Variants in ZGRF1 observed in about 807,000 individuals in gnomAD.
ZGRF1 encodes zinc finger GRF-type containing 1, also known as 5'-3' DNA helicase ZGRF1.
Under a neutral mutation model 203.5 loss-of-function variants are expected in ZGRF1, and 196 were observed. The ratio of observed to expected loss-of-function variants is 0.96; its 90% CI spans 0.86 to 1.08. The LOEUF (loss-of-function observed/expected upper bound fraction) is 1.08. Among genes scored for constraint, ZGRF1 ranks in the 50% least tolerant of loss-of-function variants. ZGRF1 has a pLI of 0.00. For missense variants in ZGRF1, 2,326 were observed against 2,416.3 expected (o/e 0.96, Z 0.78); for synonymous variants, 809 against 841.3 (o/e 0.96, Z 0.66).
At chr4:112,543,843 A>C (rs915544885) in intron 24 of ZGRF1, among the ~76,000 whole-genome samples, 3 of 152,184 alleles carry the variant, frequency 2.0e-5, no homozygotes, top group African/African-American at 7.2e-5. Context: ...AATTTAGATA[A>C]CTTTTTATTT....
In ZGRF1 at chr4:112,617,725, G is replaced by GA. The variant is rs1295778050; in HGVS notation, c.2316dup (p.Leu773SerfsTer12). 1 of 1,613,978 alleles carries GA rather than the reference G, an allele frequency of 6.2e-7. No homozygotes were observed. Among genetic ancestry groups the GA allele is most frequent in the African/African-American group, 1.3e-5 (1 of 74,920 alleles). ...TGTGCTTCTGTGTCTTTGGAAATAA[G>GA]ATGCTTTTTTCCCAGTGGGTAAAAC... On this transcript the variant is annotated frameshift_variant, in exon 6 of 28. Coordinates refer to ENST00000505019, the MANE Select transcript of ZGRF1 (RefSeq NM_018392.5). LOFTEE classifies it high-confidence loss of function.
chr4:112,586,313 T>C (rs1010705125), intron 13 of ZGRF1, 132 bp downstream of exon 13: 6 of 624,728 alleles, frequency 9.6e-6, no homozygotes, highest in Admixed American at 3.7e-5. Context: ...TAAAAGTTAC[T>C]GTCAAAAACT....
chr4:112,618,289 C>G lies in ZGRF1; in HGVS notation c.1753G>C (p.Glu585Gln), dbSNP rs1560868660. The G allele has an allele frequency of 6.2e-7, 1 of 1,613,790 alleles. No individual in the cohort carries two copies. The highest frequency in any genetic ancestry group is 1.7e-5 in the Admixed American group (1 of 59,992). The change falls in exon 6 of 28, where the codon GAG becomes CAG. Residue 585 changes from glutamate (E) to glutamine (Q), a missense_variant. Transcript: ENST00000505019. ...RSENTNCEEI[E>Q]GEHLPFLTSV... Reference sequence around the variant, plus strand: ...GTTAAGAATGGCAAATGTTCACCCTCAATCTCTTCACAGTTTGTATTCTCA... The same window carrying G: ...GTTAAGAATGGCAAATGTTCACCCTGAATCTCTTCACAGTTTGTATTCTCA...
At chr4:112,605,762 C>T (rs1750676058) in intron 9 of ZGRF1, 4 of 432,350 alleles carry the variant, frequency 9.3e-6, no homozygotes, top group Non-Finnish European at 1.7e-5. Flanking sequence ...CTAGAGTATC[C>T]TATGTACGGA....
chr4:112,541,477 C>T (rs1024251399), intron 24 of ZGRF1, among the ~76,000 whole-genome samples: 4 of 149,890 alleles, frequency 2.7e-5, no homozygotes, highest in South Asian at 2.1e-4. Context: ...ATATAAAAGA[C>T]GTCAACCTTA....
chr4:112,625,230 A>C (rs1455154204), intron 3 of ZGRF1, among the ~76,000 whole-genome samples: 2 of 152,244 alleles, frequency 1.3e-5, no homozygotes, highest in Non-Finnish European at 2.9e-5. Flanking sequence ...TTGAGGCTAC[A>C]GTGAACTATG....
intron 1 of ZGRF1, 100 bp from the exon 2 acceptor site, chr4:112,633,342 G>A: frequency 1.6e-6 from 1 of 606,614 alleles, no homozygotes; most frequent in South Asian, 2.2e-5. Flanking sequence ...GAATCAAGGA[G>A]TTCCAAGATT....
chr4:112,562,311 A>G, intron 18 of ZGRF1, 60 bp downstream of exon 18: 2 of 865,850 alleles, frequency 2.3e-6, no homozygotes, highest in Admixed American at 2.1e-5. Flanking sequence ...TTGAATTTTC[A>G]TATTTACTTC....
chr4:112,593,511 A>G (rs1031148811), intron 10 of ZGRF1, among the ~76,000 whole-genome samples: 3 of 152,188 alleles, frequency 2.0e-5, no homozygotes, highest in Non-Finnish European at 2.9e-5. Context: ...CGCACAATAA[A>G]AATCAAAGTT....
chr4:112,607,511 T>C (rs753318192), intron 8 of ZGRF1, among the ~76,000 whole-genome samples: 3 of 152,238 alleles, frequency 2.0e-5, no homozygotes, highest in Non-Finnish European at 4.4e-5. Flanking sequence ...TCTTTTGCAA[T>C]ATGTAGTTAA....
chr4:112,610,809 C>A, intron 7 of ZGRF1: 1 of 162,526 alleles, frequency 6.2e-6, no homozygotes, highest in East Asian at 1.9e-4. Context: ...ACAAGATAGC[C>A]ATAGGATGGA....
chr4:112,609,777 G>A (rs939496410), intron 7 of ZGRF1, among the ~76,000 whole-genome samples: 8 of 149,180 alleles, frequency 5.4e-5, no homozygotes, highest in Admixed American at 1.3e-4. Context: ...CAGTCTGGGC[G>A]ACAAGAGCAA....
intron 1 of ZGRF1, among the ~76,000 whole-genome samples, chr4:112,634,413 G>A (rs1454623368): frequency 2.0e-5 from 3 of 152,194 alleles, no homozygotes; most frequent in Non-Finnish European, 4.4e-5. Flanking sequence ...ACTTTGGGAG[G>A]CCGAGACAGG....
Position 112,560,750 on chromosome 4 carries a change from G to A in ZGRF1, c.4943C>T (p.Pro1648Leu). 1 of 1,589,098 alleles carries A rather than the reference G, an allele frequency of 6.3e-7. No homozygotes were observed. Residue 1648 changes from proline to leucine, a missense_variant, in exon 19 of 28, where the codon CCT (proline) becomes CTT (leucine). Coordinates refer to ENST00000505019, the MANE Select transcript of ZGRF1 (RefSeq NM_018392.5). ...EVKELQTHTF[P>L]ITIIHGVFGA... The stretch of plus-strand genomic sequence containing the variant: ...CTTCTTACCATGTATGATTGTGATA[G>A]GGAAGGTATGAGTTTGCAGTTCCTT...
intron 10 of ZGRF1, among the ~76,000 whole-genome samples, chr4:112,601,400 G>A (rs1270576889): frequency 1.3e-5 from 2 of 151,820 alleles, no homozygotes; most frequent in South Asian, 2.1e-4. Flanking sequence ...AAATGTATAT[G>A]CAACCATACT....
chr4:112,617,511 A>T lies in ZGRF1; in HGVS notation c.2531T>A (p.Ile844Lys). Residue 844 changes from isoleucine to lysine, a missense_variant, in exon 6 of 28, where the codon ATA becomes AAA. By Grantham distance (102) the Ile-to-Lys change is moderately radical. Transcript: ENST00000505019. ...EHSTALDSLE[I>K]LKKKNTVFQQ... is the part of the protein sequence containing the mutation. ...AAAGACAGTATTTTTCTTTTTCAAT[A>T]TTTCCAAGCTGTCTAAAGCAGTACT... is the stretch of plus-strand genomic sequence containing the variant. The T allele has an allele frequency of 6.2e-7, 1 of 1,601,050 alleles. No individual in the cohort carries two copies. Among genetic ancestry groups the T allele is most frequent in the Non-Finnish European group, 8.5e-7 (1 of 1,176,452 alleles).
chr4:112,549,186 G>A (rs1004893600), intron 22 of ZGRF1, among the ~76,000 whole-genome samples: 8 of 152,000 alleles, frequency 5.3e-5, no homozygotes, highest in African/African-American at 1.9e-4. Flanking sequence ...TAGCCTGTAA[G>A]TGTATTTGAA....
At chr4:112,581,933 A>G (rs771687143) in intron 15 of ZGRF1, 131 bp from the exon 16 acceptor site, 3 of 410,914 alleles carry the variant, frequency 7.3e-6, no homozygotes, top group Non-Finnish European at 8.5e-6. Flanking sequence ...TATACAAAAT[A>G]TAAATATACT....
chr4:112,541,338 T>G (rs999906751), intron 24 of ZGRF1, 70 bp from the exon 25 acceptor site: 15 of 801,056 alleles, frequency 1.9e-5, no homozygotes, highest in Non-Finnish European at 2.8e-5. Flanking sequence ...AATTATATTT[T>G]TAAAATTAAA....
Sources: allele counts gnomAD v4.1 joint callset (sites outside exome capture counted in the v4.1 genomes callset), GRCh38; gene constraint gnomAD v4.1.1; transcripts MANE v1.5; gene names NCBI Gene and HGNC (gene_info 2026-07-23, HGNC 2026-07-21).